PARD3B: variants seen among roughly 807,000 people sequenced by gnomAD.
The protein encoded by PARD3B is par-3 family cell polarity regulator beta.
PARD3B carries 103 observed loss-of-function variants against 130.2 expected under a neutral mutation model. The ratio of observed to expected loss-of-function variants is 0.79; its 90% confidence interval spans 0.67 to 0.93. PARD3B has a LOEUF of 0.93. Ranked by LOEUF, PARD3B falls within the 40% of genes least tolerant of loss-of-function variation. PARD3B has a pLI of 0.00. For missense variants in PARD3B, 1,609 were observed against 1,499.2 expected, an observed-to-expected ratio of 1.07 and a Z score of -1.21; for synonymous variants, 583 against 553.2, an observed-to-expected ratio of 1.05 and a Z score of -0.76.
intron 2 of PARD3B, among the ~76,000 whole-genome samples, chr2:204,803,052 G>T (rs559371470): frequency 2.4e-4 from 36 of 149,146 alleles, no homozygotes; most frequent in Non-Finnish European, 4.3e-4. Context: ...GAAAGAAAAT[G>T]CAGTTGTGCT....
intron 3 of PARD3B, among the ~76,000 whole-genome samples, chr2:204,966,905 C>T (rs938393128): frequency 8.5e-5 from 13 of 152,052 alleles, no homozygotes; most frequent in African/African-American, 2.7e-4. Flanking sequence ...CTTAATTAGT[C>T]GGCTTTTATT....
chr2:205,036,790 C>T (rs1054448021), intron 3 of PARD3B, among the ~76,000 whole-genome samples: 23 of 149,742 alleles, frequency 1.5e-4, no homozygotes, highest in East Asian at 1.4e-3. Context: ...ATATACACAG[C>T]GGACTGTATG....
intron 2 of PARD3B, among the ~76,000 whole-genome samples, chr2:204,695,985 G>A (rs1468998319): frequency 6.6e-6 from 1 of 151,998 alleles, no homozygotes; most frequent in African/African-American, 2.4e-5. Flanking sequence ...ATCAAGGAAG[G>A]TGAAAACTAA....
intron 4 of PARD3B, among the ~76,000 whole-genome samples, chr2:205,056,208 G>A (rs779577288): frequency 7.5e-5 from 11 of 146,302 alleles, no homozygotes; most frequent in South Asian, 2.2e-4. Flanking sequence ...GATAGGGGAC[G>A]TTTTTTTTTT....
In PARD3B at chr2:204,790,106, G is replaced by A. The variant is rs111809527; in HGVS notation, c.222+103824G>A. Among the ~76,000 whole-genome samples, 190 of 152,230 alleles carry A rather than the reference G, an allele frequency of 1.2e-3. 1 individual carries two copies. Among genetic ancestry groups the A allele is most frequent in the African/African-American group, 3.4e-3 (140 of 41,562 alleles). ...AGGATGGTCTCGATCTCCTGATCTC[G>A]TGATCCACCTGCCTTGGCCTCCCAG... On this transcript the variant is annotated intron_variant, in intron 2 of 22. Coordinates refer to ENST00000406610, the MANE Select transcript of PARD3B (RefSeq NM_001302769.2).
chr2:204,923,957 G>C (rs1379045938), intron 2 of PARD3B, among the ~76,000 whole-genome samples: 3 of 152,038 alleles, frequency 2.0e-5, no homozygotes, highest in African/African-American at 7.2e-5. Flanking sequence ...CTAAGGACAT[G>C]TTACAACTGT....
intron 1 of PARD3B, among the ~76,000 whole-genome samples, chr2:204,580,528 C>T (rs902589065): frequency 5.3e-5 from 8 of 152,204 alleles, no homozygotes; most frequent in Non-Finnish European, 1.0e-4. Flanking sequence ...GCTAGAAGCA[C>T]GTGAGATATG....
intron 3 of PARD3B, among the ~76,000 whole-genome samples, chr2:204,970,803 A>G (rs2125174922): frequency 6.6e-6 from 1 of 152,348 alleles, no homozygotes; most frequent in Middle Eastern, 3.4e-3. Flanking sequence ...GATATAAAGT[A>G]ATCTAAGTTT....
chr2:205,016,429 C>T (rs1001869646), intron 3 of PARD3B, among the ~76,000 whole-genome samples: 4 of 152,160 alleles, frequency 2.6e-5, no homozygotes, highest in Non-Finnish European at 5.9e-5. Context: ...CTCTCATTCC[C>T]TTCATGAGGA....
At chr2:205,522,395 T>C (rs550007373) in intron 21 of PARD3B, among the ~76,000 whole-genome samples, 1 of 152,164 alleles carries the variant, frequency 6.6e-6, no homozygotes, top group East Asian at 1.9e-4. Context: ...GTTTTTATTA[T>C]TAATGTATGG....
At chr2:205,213,909 G>A (rs1220145298) in intron 15 of PARD3B, among the ~76,000 whole-genome samples, 2 of 152,166 alleles carry the variant, frequency 1.3e-5, no homozygotes, top group African/African-American at 4.8e-5. Flanking sequence ...CTAATTGGAG[G>A]AATCTATGAA....
At chr2:205,518,127 T>C (rs1183283523) in intron 21 of PARD3B, among the ~76,000 whole-genome samples, 2 of 152,118 alleles carry the variant, frequency 1.3e-5, no homozygotes, top group Non-Finnish European at 2.9e-5. Flanking sequence ...GTTCAGGTCC[T>C]GAATATCTTT....
Position 205,440,335 on chromosome 2 carries a change from A to G in PARD3B, c.2742-35A>G. 1 of 1,584,534 alleles carries G rather than the reference A, an allele frequency of 6.3e-7. No homozygotes were observed. The highest frequency in any genetic ancestry group is 8.7e-7 in the Non-Finnish European group (1 of 1,155,582). On this transcript the variant is annotated intron_variant, in intron 19 of 22. Coordinates refer to ENST00000406610, the MANE Select transcript of PARD3B (RefSeq NM_001302769.2). This position sits in a 1 kb window ranked among gnomAD's most constrained non-coding sequence, Gnocchi z 4.2. The stretch of plus-strand genomic sequence containing the variant: ...TTCATTGTATTATTATATGAAACTC[A>G]CATACATCTTTGCTACCTGTACTGT...
At chr2:204,579,116 AATCATCATC>A (rs374676828) in intron 1 of PARD3B, among the ~76,000 whole-genome samples, 8 of 150,692 alleles carry the variant, frequency 5.3e-5, no homozygotes, top group Admixed American at 6.6e-5. Context: ...TATGAAAGGA[AATCATCATC>A]ATCATCATCA....
At chr2:204,862,951 A>G (rs568119413) in intron 2 of PARD3B, among the ~76,000 whole-genome samples, 19 of 152,316 alleles carry the variant, frequency 1.2e-4, no homozygotes, top group East Asian at 5.8e-4. Flanking sequence ...AAGAAGCCAC[A>G]GGCTCCTCCC....
At chr2:204,922,662 G>A (rs1488381984) in intron 2 of PARD3B, among the ~76,000 whole-genome samples, 1 of 149,644 alleles carries the variant, frequency 6.7e-6, no homozygotes, top group African/African-American at 2.5e-5. Context: ...TAAAGGAAAC[G>A]TGACTACAAA....
chr2:205,458,197 A>G lies in PARD3B; in HGVS notation c.3044+17525A>G, dbSNP rs2048336991. Among the ~76,000 whole-genome samples the G allele has an allele frequency of 6.6e-6, 1 of 152,010 alleles. No individual in the cohort carries two copies. Among genetic ancestry groups the G allele is most frequent in the Admixed American group, 6.6e-5 (1 of 15,224 alleles). Reference sequence around the variant, plus strand: ...TTAAATCTGTGCTTTAGTGTTCTTCATCATCTTTGAAAAATTCTCAGCTGG... The same window carrying G: ...TTAAATCTGTGCTTTAGTGTTCTTCGTCATCTTTGAAAAATTCTCAGCTGG... On this transcript the variant is annotated intron_variant, in intron 20 of 22. Coordinates refer to ENST00000406610, the MANE Select transcript of PARD3B (RefSeq NM_001302769.2). The surrounding 1 kb of genome is among the most constrained non-coding windows in gnomAD (Gnocchi z 4.8).
At chr2:204,605,235 C>A (rs1305761254) in intron 1 of PARD3B, among the ~76,000 whole-genome samples, 1 of 152,138 alleles carries the variant, frequency 6.6e-6, no homozygotes, top group African/African-American at 2.4e-5. Flanking sequence ...GGGAATTAGA[C>A]TTTCCATGCC....
chr2:205,036,756 G>A (rs1697946089), intron 3 of PARD3B, among the ~76,000 whole-genome samples: 1 of 145,476 alleles, frequency 6.9e-6, no homozygotes, highest in Non-Finnish European at 1.5e-5. Context: ...TATATACACA[G>A]CGGACTGTAT....
Sources: gnomAD v4.1 joint callset for allele counts (sites outside exome capture counted in the v4.1 genomes callset) on GRCh38, gnomAD v4.1.1 for gene constraint, Gnocchi (gnomAD v3.1) non-coding constraint, MANE v1.5 for transcripts, NCBI Gene and HGNC (gene_info 2026-07-23, HGNC 2026-07-21) for gene names.